Variants in CFAP46 observed in about 807,000 individuals in gnomAD.
CFAP46 encodes cilia- and flagella-associated protein 46.
In CFAP46, 245 loss-of-function variants were observed where a neutral mutation model predicts 325.7. The observed-to-expected ratio is 0.75, with a 90% CI of 0.68 to 0.84. The LOEUF is 0.84. CFAP46 is among the 40% of genes least tolerant of loss of function. The pLI, the probability that CFAP46 is intolerant of heterozygous loss-of-function variation, is 0.00. For missense variants in CFAP46, 3,346 were observed against 3,543.0 expected (o/e 0.94, Z 1.41); for synonymous variants, 1,523 against 1,495.9 (o/e 1.02, Z -0.42).
chr10:132,832,390 C>CT lies in CFAP46; in HGVS notation c.7117+967_7117+968insA, dbSNP rs1241892530. 9.5e-6 allele frequency among the ~76,000 whole-genome samples: 1 copy of CT among 105,606 alleles called. No homozygotes were observed. The highest frequency in any genetic ancestry group is 1.9e-5 in the Non-Finnish European group (1 of 52,910). The allele number at this position is 105,606 out of a possible 152,430, so 69.3% of individuals were successfully genotyped here. Reference sequence around the variant, plus strand: ...GCGGAGACCCCTGGGCTCTTCCTGCCCCCCCCCCCCAATGCTGTGGCCTGG... The same window carrying CT: ...GCGGAGACCCCTGGGCTCTTCCTGCCTCCCCCCCCCCAATGCTGTGGCCTGG... On this transcript the variant is annotated intron_variant, in intron 50 of 57. Coordinates refer to ENST00000368586, the MANE Select transcript of CFAP46 (RefSeq NM_001200049.3). This position sits in a 1 kb window ranked among gnomAD's most constrained non-coding sequence, Gnocchi z 4.1.
rs1406138097 is a variant in CFAP46 at position 132,942,121 on chromosome 10, G to A, written c.50-17C>T. 6.4e-7 allele frequency: 1 copy of A among 1,551,316 alleles called. No homozygotes were observed. Among genetic ancestry groups the A allele is most frequent in the East Asian group, 2.4e-5 (1 of 40,908 alleles). ...ACGCAGCATCTGTCCCAAACGGGTGGTTGAGGAAGGTTTGGTCACTGGGCT... is the reference window on the plus strand; with the variant it reads ...ACGCAGCATCTGTCCCAAACGGGTGATTGAGGAAGGTTTGGTCACTGGGCT... On this transcript the variant is annotated splice_polypyrimidine_tract_variant and intron_variant, in intron 1 of 57. Coordinates refer to ENST00000368586, the MANE Select transcript of CFAP46 (RefSeq NM_001200049.3).
intron 35 of CFAP46, among the ~76,000 whole-genome samples, chr10:132,862,499 T>G: frequency 6.7e-6 from 1 of 149,844 alleles, no homozygotes. Context: ...CGACACTGAG[T>G]GGGAGGGGCA....
In CFAP46 at chr10:132,906,696, G is replaced by A. The variant is rs4391751; in HGVS notation, c.2924+1772C>T. On this transcript the variant is annotated intron_variant, in intron 22 of 57. Transcript: ENST00000368586. ...TGAGAAGAGTGAACGGGGTCCTGGC[G>A]CGTGATGCCCCGTCCTGGGCACTGA... 8.0e-3 allele frequency among the ~76,000 whole-genome samples: 336 copies of A among 41,974 alleles called. 23 individuals are homozygous for A. Among genetic ancestry groups the A allele is most frequent in the South Asian group, 0.021 (21 of 1,008 alleles). 27.5% of individuals were successfully genotyped at this position (41,974 alleles called of 152,430 possible). A position where few individuals can be genotyped will look rare whatever the true frequency, so the allele number is the denominator to read the frequency against.
chr10:132,861,301 T>C lies in CFAP46; in HGVS notation c.4891-319A>G, dbSNP rs114262421. Among the ~76,000 whole-genome samples the C allele has an allele frequency of 3.8e-3, 572 of 152,286 alleles. 5 individuals are homozygous for C. Among genetic ancestry groups the C allele is most frequent in the African/African-American group, 0.013 (551 of 41,570 alleles). ...TGCAGCGCGCATGACTGTATCTCAT[T>C]CCATTTAATTATATTTCAGTGAGGA... On this transcript the variant is annotated intron_variant, in intron 35 of 57. Coordinates refer to ENST00000368586, the MANE Select transcript of CFAP46 (RefSeq NM_001200049.3).
chr10:132,825,775 C>T (rs936255102), intron 50 of CFAP46, among the ~76,000 whole-genome samples: 1 of 152,142 alleles, frequency 6.6e-6, no homozygotes, highest in African/African-American at 2.4e-5. Flanking sequence ...CCTCAAAGAA[C>T]AAAACCCAGA....
At position 132,869,264 on chromosome 10, in the gene CFAP46, C is replaced by T. The variant is rs577614238; in HGVS notation, c.4610+10G>A. ...AAACCCCAGGCGGCGCAGGGTGGGACGGCACACACCTGGCCTGCTCCAGCT... is the reference window on the plus strand; with the variant it reads ...AAACCCCAGGCGGCGCAGGGTGGGATGGCACACACCTGGCCTGCTCCAGCT... On this transcript the variant is annotated intron_variant, in intron 33 of 57. Transcript: ENST00000368586. The surrounding 1 kb of genome is among the most constrained non-coding windows in gnomAD (Gnocchi z 6.2). The T allele has an allele frequency of 1.1e-5, 17 of 1,520,642 alleles. No homozygotes were observed. Among genetic ancestry groups the T allele is most frequent in the South Asian group, 4.9e-5 (4 of 81,814 alleles). The allele number at this position is 1,520,642 out of a possible 1,614,324, so 94.2% of individuals were successfully genotyped here.
intron 32 of CFAP46, 61 bp downstream of exon 32, chr10:132,872,615 A>AT (rs1421881994): frequency 2.0e-6 from 3 of 1,530,570 alleles, no homozygotes; most frequent in Non-Finnish European, 2.7e-6. Flanking sequence ...ATACCTTAAC[A>AT]TGTTGTTTAT....
intron 44 of CFAP46, among the ~76,000 whole-genome samples, chr10:132,841,395 C>T (rs1041706138): frequency 4.6e-5 from 7 of 152,248 alleles, no homozygotes; most frequent in East Asian, 1.9e-4. Flanking sequence ...TGCCTCTGGA[C>T]GCAGGGGCTG....
intron 29 of CFAP46, 95 bp from the exon 30 acceptor site, chr10:132,878,182 G>T (rs1163412397): frequency 1.7e-6 from 2 of 1,176,178 alleles, no homozygotes; most frequent in Non-Finnish European, 2.4e-6. Flanking sequence ...GCTCAGACCC[G>T]CGGGGCTCCC....
chr10:132,869,625 C>T lies in CFAP46; in HGVS notation c.4512-253G>A, dbSNP rs73393228. 1.3e-5 allele frequency among the ~76,000 whole-genome samples: 2 copies of T among 152,292 alleles called. No individual in the cohort carries two copies. The highest frequency in any genetic ancestry group is 2.4e-5 in the African/African-American group (1 of 41,546). On this transcript the variant is annotated intron_variant, in intron 32 of 57. Coordinates refer to ENST00000368586, the MANE Select transcript of CFAP46 (RefSeq NM_001200049.3). The surrounding 1 kb of genome is among the most constrained non-coding windows in gnomAD (Gnocchi z 6.2). ...GAGGCATTATCTGTTGCCTCCTGGACGCCGTCCGAGGAGAAGAGGAGGCCC... is the reference window on the plus strand; with the variant it reads ...GAGGCATTATCTGTTGCCTCCTGGATGCCGTCCGAGGAGAAGAGGAGGCCC...
chr10:132,912,039 C>A (rs1849547453), intron 19 of CFAP46, among the ~76,000 whole-genome samples: 1 of 152,116 alleles, frequency 6.6e-6, no homozygotes, highest in African/African-American at 2.4e-5. Flanking sequence ...CAGGAGCCTT[C>A]AGAAGCTCAG....
chr10:132,816,296 G>A (rs556102929), intron 50 of CFAP46, among the ~76,000 whole-genome samples: 5 of 151,262 alleles, frequency 3.3e-5, no homozygotes, highest in Non-Finnish European at 7.4e-5. Context: ...TGCTCACCTG[G>A]GGATCATTCT....
chr10:132,822,331 CTGTG>C (rs537807246), intron 50 of CFAP46, among the ~76,000 whole-genome samples: 1 of 110,784 alleles, frequency 9.0e-6, no homozygotes, highest in Non-Finnish European at 1.8e-5. Flanking sequence ...GTGATGTGTG[CTGTG>C]TGTGTGGTGA....
intron 22 of CFAP46, among the ~76,000 whole-genome samples, chr10:132,901,365 T>C (rs933720018): frequency 7.9e-5 from 12 of 152,262 alleles, no homozygotes; most frequent in African/African-American, 2.9e-4. Flanking sequence ...TTCCCTTTTT[T>C]TGCATGAATG....
At chr10:132,825,413 A>G (rs1327522126) in intron 50 of CFAP46, among the ~76,000 whole-genome samples, 1 of 152,184 alleles carries the variant, frequency 6.6e-6, no homozygotes, top group Non-Finnish European at 1.5e-5. Flanking sequence ...ATCTACAGAC[A>G]CGCAATATAA....
intron 56 of CFAP46, chr10:132,810,721 G>A (rs12416624): frequency 0.24 from 175,787 of 724,522 alleles, 24,777 homozygotes; most frequent in Admixed American, 0.49. Flanking sequence ...GCTGTGAGGC[G>A]CTGTGGGGAC....
intron 25 of CFAP46, among the ~76,000 whole-genome samples, chr10:132,888,306 A>C (rs1849196966): frequency 7.4e-6 from 1 of 134,618 alleles, no homozygotes; most frequent in African/African-American, 3.0e-5. Flanking sequence ...CATAGCCTGT[A>C]CCCCTGCCAC....
At chr10:132,815,017 GAA>G in intron 50 of CFAP46, 103 bp from the exon 51 acceptor site, 1 of 916,152 alleles carries the variant, frequency 1.1e-6, no homozygotes, top group African/African-American at 1.7e-5. Context: ...TCACTTAAAT[GAA>G]AAAAAAAACA....
intron 22 of CFAP46, among the ~76,000 whole-genome samples, chr10:132,907,119 G>A (rs1053555793): frequency 4.6e-5 from 7 of 152,366 alleles, no homozygotes; most frequent in South Asian, 2.1e-4. Context: ...AAGATGGGGC[G>A]TGGGCCTGGG....
Sources: allele counts gnomAD v4.1 joint callset (sites outside exome capture counted in the v4.1 genomes callset), GRCh38; gene constraint gnomAD v4.1.1; non-coding constraint Gnocchi (gnomAD v3.1); transcripts MANE v1.5; gene names NCBI Gene and HGNC (gene_info 2026-07-23, HGNC 2026-07-21).